The following PTPN3 variants were observed in gnomAD, a reference collection of about 807,000 sequenced individuals.
The protein encoded by PTPN3 is tyrosine-protein phosphatase non-receptor type 3.
A neutral mutation model predicts 132.7 loss-of-function variants in PTPN3; 96 were observed. The observed-to-expected ratio is 0.72, with a 90% CI of 0.61 to 0.86. PTPN3 has a LOEUF of 0.86. Among genes scored for constraint, PTPN3 ranks in the 40% least tolerant of loss-of-function variants. PTPN3 has a pLI of 0.00. For missense variants in PTPN3, 1,125 were observed against 1,159.6 expected (o/e 0.97, Z 0.43); for synonymous variants, 398 against 429.0 (o/e 0.93, Z 0.89).
At chr9:109,505,901 C>T in the PTPN3 span, among the ~76,000 whole-genome samples, 6 of 152,054 alleles carry the variant, frequency 3.9e-5, no homozygotes, top group Non-Finnish European at 7.4e-5. Context: ...AGGAGCCTGC[C>T]GCTATGCCCG....
chr9:109,450,134 G>A, intron 5 of PTPN3: 2 of 984,304 alleles, frequency 2.0e-6, no homozygotes, highest in Non-Finnish European at 2.4e-6. Context: ...AAAAGCTTAG[G>A]ATCCATGTCG....
the PTPN3 span, among the ~76,000 whole-genome samples, chr9:109,514,503 A>T: frequency 6.6e-6 from 1 of 152,230 alleles, no homozygotes; most frequent in Non-Finnish European, 1.5e-5. Flanking sequence ...TATGCCATGT[A>T]CTACTGTTCT....
chr9:109,448,956 G>A (rs914504572), intron 5 of PTPN3, 101 bp from the exon 6 acceptor site: 13 of 1,518,540 alleles, frequency 8.6e-6, no homozygotes, highest in Non-Finnish European at 1.1e-5. Context: ...CTGTACATGT[G>A]AAAGATACAT....
At chr9:109,432,207 G>C (rs1843709182) in intron 10 of PTPN3, among the ~76,000 whole-genome samples, 1 of 151,782 alleles carries the variant, frequency 6.6e-6, no homozygotes, top group African/African-American at 2.4e-5. Flanking sequence ...TTGTGTTTCA[G>C]GTAATGAAAT....
intron 12 of PTPN3, among the ~76,000 whole-genome samples, chr9:109,423,611 AC>A (rs1369450228): frequency 6.6e-6 from 1 of 152,224 alleles, no homozygotes; most frequent in Non-Finnish European, 1.5e-5. Flanking sequence ...GTCTCCAAAA[AC>A]AAAAAATTAT....
At chr9:109,457,148 A>G (rs1483367809) in intron 4 of PTPN3, 25 bp downstream of exon 4, 2 of 1,608,942 alleles carry the variant, frequency 1.2e-6, no homozygotes. Flanking sequence ...CTAATGTTCG[A>G]CTGAAATGAA....
Position 109,477,651 on chromosome 9 carries a change from G to T in PTPN3, c.-17-14200C>A, listed in dbSNP as rs370890251. On this transcript the variant is annotated intron_variant, in intron 1 of 25. Transcript: ENST00000374541. ...CAGCCTCACAGGCAGCCGTCCCTGG[G>T]TTAATTATTAGCAGCAGCGGGAGGG... Among the ~76,000 whole-genome samples, 150 of 152,364 alleles carry T rather than the reference G, an allele frequency of 9.8e-4. 1 individual carries two copies. The East Asian group carries it at 0.021, about 21-fold the overall frequency.
At chr9:109,509,431 C>G in the PTPN3 span, among the ~76,000 whole-genome samples, 1 of 152,202 alleles carries the variant, frequency 6.6e-6, no homozygotes, top group Admixed American at 6.5e-5. Context: ...AGGGGCCTCT[C>G]CCTCTGCATT....
intron 14 of PTPN3, chr9:109,417,833 T>A (rs775589365): frequency 7.1e-4 from 681 of 960,450 alleles, no homozygotes; most frequent in Non-Finnish European, 7.8e-4. Flanking sequence ...TATTTGCTAT[T>A]CTTAACATTT....
chr9:109,425,809 T>G (rs997974625), intron 12 of PTPN3, among the ~76,000 whole-genome samples: 1 of 152,076 alleles, frequency 6.6e-6, no homozygotes, highest in East Asian at 1.9e-4. Flanking sequence ...GGTCAGGAAT[T>G]CGAGACCAGG....
chr9:109,481,638 T>C (rs1169291101), intron 1 of PTPN3, among the ~76,000 whole-genome samples: 1 of 152,228 alleles, frequency 6.6e-6, no homozygotes, highest in Non-Finnish European at 1.5e-5. Context: ...TTTAGATTTC[T>C]CCTTAAATGT....
the PTPN3 span, among the ~76,000 whole-genome samples, chr9:109,532,600 TAAA>T: frequency 1.8e-5 from 2 of 111,680 alleles, no homozygotes; most frequent in Non-Finnish European, 4.3e-5. Context: ...AAAAAAGAAC[TAAA>T]CTAAACTCAT....
chr9:109,474,522 C>A (rs577426647), intron 1 of PTPN3, among the ~76,000 whole-genome samples: 1 of 151,992 alleles, frequency 6.6e-6, no homozygotes. Context: ...GTGTCAGGAC[C>A]GGTTCACAGA....
chr9:109,466,864 C>A (rs1213341605), intron 1 of PTPN3, among the ~76,000 whole-genome samples: 1 of 152,032 alleles, frequency 6.6e-6, no homozygotes, highest in African/African-American at 2.4e-5. Flanking sequence ...ACAGGGGGCA[C>A]CGGTTAGGTG....
chr9:109,485,017 C>T (rs893513090), intron 1 of PTPN3, among the ~76,000 whole-genome samples: 2 of 151,908 alleles, frequency 1.3e-5, no homozygotes, highest in Admixed American at 6.6e-5. Context: ...TTACTTGAGT[C>T]CAGGAGTGCA....
At chr9:109,529,191 C>A in the PTPN3 span, among the ~76,000 whole-genome samples, 1 of 152,094 alleles carries the variant, frequency 6.6e-6, no homozygotes, top group Non-Finnish European at 1.5e-5. Context: ...TCTCATGACA[C>A]ATGAAGGAGG....
chr9:109,510,565 AAAAAAAAAAAAAT>A, the PTPN3 span, among the ~76,000 whole-genome samples: 3 of 51,536 alleles, frequency 5.8e-5, no homozygotes, highest in African/African-American at 2.1e-4. Flanking sequence ...TCTTAAAAAA[AAAAAAAAAAAAAT>A]ATATATATAT....
chr9:109,478,384 ACT>A (rs138117398), intron 1 of PTPN3, among the ~76,000 whole-genome samples: 3,612 of 152,140 alleles, frequency 0.024, 129 homozygotes, highest in African/African-American at 0.083. Context: ...TTCTGTTATG[ACT>A]CTACGATATT....
rs769545167 is a variant in PTPN3, at chr9:109,391,137, C to G, written c.2106+1G>C. The G allele has an allele frequency of 2.6e-5, 42 of 1,612,310 alleles. No individual in the cohort carries two copies. Among genetic ancestry groups the G allele is most frequent in the Non-Finnish European group, 3.5e-5 (41 of 1,178,578 alleles). On this transcript the variant is annotated splice_donor_variant, in intron 21 of 25. Coordinates refer to ENST00000374541, the MANE Select transcript of PTPN3 (RefSeq NM_002829.4). LOFTEE classifies it high-confidence loss of function. ...AAGCATCATCCAGATTCCTAACTTA[C>G]GTTCACGTAACTTGCATTAATATAA...
Sources: gnomAD v4.1 joint callset for allele counts (sites outside exome capture counted in the v4.1 genomes callset) on GRCh38, gnomAD v4.1.1 for gene constraint, MANE v1.5 for transcripts, NCBI Gene and HGNC (gene_info 2026-07-23, HGNC 2026-07-21) for gene names.